MTMR4: variants seen among roughly 807,000 people sequenced by gnomAD.
MTMR4 encodes phosphatidylinositol-3,5-bisphosphate 3-phosphatase MTMR4.
A neutral mutation model predicts 125.5 loss-of-function variants in MTMR4; 30 were observed. The observed-to-expected ratio is 0.24, with a 90% CI of 0.18 to 0.32. The LOEUF (loss-of-function observed/expected upper bound fraction) is 0.32. MTMR4 is among the 10% of genes least tolerant of loss of function. The pLI, the probability that MTMR4 is intolerant of heterozygous loss-of-function variation, is 1.00. For synonymous variants in MTMR4, 498 were observed against 564.5 expected, an observed-to-expected ratio of 0.88 and a Z score of 1.67; for missense variants, 1,039 against 1,511.5, an observed-to-expected ratio of 0.69 and a Z score of 5.18.
rs180972693 is a variant in MTMR4, at chr17:58,491,658, G to A, written c.*5C>T. The A allele has an allele frequency of 1.6e-5, 25 of 1,611,188 alleles. No individual in the cohort carries two copies. Among genetic ancestry groups the A allele is most frequent in the African/African-American group, 1.3e-4 (10 of 74,932 alleles). On this transcript the variant is annotated 3_prime_UTR_variant, in exon 18 of 18. Coordinates refer to ENST00000682306, the MANE Select transcript of MTMR4 (RefSeq NM_001378067.1). The stretch of plus-strand genomic sequence containing the variant: ...GCTAAAATTGGACAGGTTTCTCCCC[G>A]GCATTCAACTGGAAGCTGTAGCAAT...
At chr17:58,515,676 C>G (rs938964419), upstream of MTMR4, among the ~76,000 whole-genome samples, 2 of 152,098 alleles carry the variant, frequency 1.3e-5, no homozygotes, top group African/African-American at 4.8e-5. Context: ...CAGGGTAGCC[C>G]AGAAGAGAAA....
In MTMR4 at chr17:58,496,333, G is replaced by A; in HGVS notation, c.1854-3C>T. The A allele has an allele frequency of 1.3e-6, 2 of 1,595,666 alleles. No individual in the cohort carries two copies. Among genetic ancestry groups the A allele is most frequent in the South Asian group, 1.1e-5 (1 of 88,472 alleles). On this transcript the variant is annotated splice_polypyrimidine_tract_variant and splice_region_variant and intron_variant, in intron 14 of 17. Transcript: ENST00000682306. The stretch of plus-strand genomic sequence containing the variant: ...CCATGGATCTGGTTTTAGGTAATCT[G>A]GAAAGACAAATATAACACCTCCAGG...
intron 14 of MTMR4, 113 bp from the exon 15 acceptor site, chr17:58,496,443 T>G: frequency 1.2e-6 from 1 of 806,900 alleles, no homozygotes; most frequent in South Asian, 1.9e-5. Context: ...TAATGACACT[T>G]AAGAACACTT....
intron 14 of MTMR4, among the ~76,000 whole-genome samples, chr17:58,500,565 A>G (rs532178933): frequency 1.3e-5 from 2 of 152,210 alleles, no homozygotes; most frequent in African/African-American, 2.4e-5. Flanking sequence ...CCTGGCCAAC[A>G]TGGTGAAACC....
intron 14 of MTMR4, among the ~76,000 whole-genome samples, chr17:58,501,619 TATGTATATACGTATAC>T (rs1268099438): frequency 1.3e-5 from 2 of 151,598 alleles, no homozygotes; most frequent in East Asian, 3.9e-4. Context: ...TGTATATGTC[TATGTATATACGTATAC>T]ATGTATATAT....
At chr17:58,506,997 C>A in intron 8 of MTMR4, 126 bp from the exon 9 acceptor site, 1 of 1,549,850 alleles carries the variant, frequency 6.5e-7, no homozygotes, top group Non-Finnish European at 8.8e-7. Flanking sequence ...CAGCTTCTGA[C>A]AAGGCAGGGA....
In MTMR4 at chr17:58,512,598, A is replaced by C; in HGVS notation, c.136-92T>G. 9.3e-7 allele frequency: 1 copy of C among 1,077,630 alleles called. No homozygotes were observed. Among genetic ancestry groups the C allele is most frequent in the South Asian group, 1.3e-5 (1 of 77,640 alleles). The allele number at this position is 1,077,630 out of a possible 1,614,324, so 66.8% of individuals were successfully genotyped here. ...TGATCTGTGGGATCCCCTCTGGAAAAGGTGGGCCAAGGCAAGAGAGGAGAG... is the reference window on the plus strand; with the variant it reads ...TGATCTGTGGGATCCCCTCTGGAAACGGTGGGCCAAGGCAAGAGAGGAGAG... On this transcript the variant is annotated intron_variant, in intron 2 of 17. Coordinates refer to ENST00000682306, the MANE Select transcript of MTMR4 (RefSeq NM_001378067.1). The surrounding 1 kb of genome is among the most constrained non-coding windows in gnomAD (Gnocchi z 4.1).
At chr17:58,492,753 G>T in intron 16 of MTMR4, 89 bp downstream of exon 16, 2 of 1,373,062 alleles carry the variant, frequency 1.5e-6, no homozygotes, top group Non-Finnish European at 2.1e-6. Flanking sequence ...CTGGGGGACA[G>T]CTCAGTCTAC....
rs1283470364 is a variant in MTMR4, at chr17:58,507,482, A to G, written c.708-163T>C. 5.9e-5 allele frequency among the ~76,000 whole-genome samples: 9 copies of G among 152,356 alleles called. No homozygotes were observed. The East Asian group carries it at 1.7e-3, about 29-fold the overall frequency. On this transcript the variant is annotated intron_variant, in intron 7 of 17. Coordinates refer to ENST00000682306, the MANE Select transcript of MTMR4 (RefSeq NM_001378067.1). The stretch of plus-strand genomic sequence containing the variant: ...ACGTCACTAGCAGGCTTCACCGTTT[A>G]CAAAGCACCATCACACATACTTTCT...
intron 3 of MTMR4, among the ~76,000 whole-genome samples, chr17:58,511,983 A>G (rs112420533): frequency 6.6e-6 from 1 of 151,784 alleles, no homozygotes; most frequent in African/African-American, 2.4e-5. Context: ...GGGATCCCCA[A>G]CTTTTTTTTT....
At chr17:58,518,322 A>G (rs768878147), upstream of MTMR4, among the ~76,000 whole-genome samples, 2 of 152,174 alleles carry the variant, frequency 1.3e-5, no homozygotes, top group African/African-American at 4.8e-5. Context: ...GGTACTTCTG[A>G]AACAGGTCCC....
At chr17:58,514,258 GC>G (rs1976022129) in intron 1 of MTMR4, 104 bp downstream of exon 1, 1 of 949,130 alleles carries the variant, frequency 1.1e-6, no homozygotes, top group Non-Finnish European at 1.3e-6. Flanking sequence ...AACGTTCGGG[GC>G]CGGGCCAGGG....
chr17:58,506,687 T>C lies in MTMR4; in HGVS notation c.1033+56A>G. 1.9e-6 allele frequency: 3 copies of C among 1,594,050 alleles called. No homozygotes were observed. In the South Asian group the frequency reaches 3.4e-5, roughly 18 times the overall value. On this transcript the variant is annotated intron_variant, in intron 9 of 17. Coordinates refer to ENST00000682306, the MANE Select transcript of MTMR4 (RefSeq NM_001378067.1). ...ATACAAATGGCCCCCAACCCCCTCC[T>C]CACCAAAGCCACCCAGAGCACAGGC...
chr17:58,503,958 T>C (rs757775499), intron 13 of MTMR4, 60 bp from the exon 14 acceptor site: 63 of 1,574,498 alleles, frequency 4.0e-5, no homozygotes, highest in Non-Finnish European at 4.8e-5. Context: ...TTTCTTTCCC[T>C]AAGCCCTTGA....
intron 7 of MTMR4, among the ~76,000 whole-genome samples, chr17:58,507,528 AAG>A (rs1156466079): frequency 6.6e-6 from 1 of 152,232 alleles, no homozygotes; most frequent in African/African-American, 2.4e-5. Flanking sequence ...CTGTATGTCC[AAG>A]GTGACCTTGA....
At chr17:58,502,046 G>A (rs1374366254) in intron 14 of MTMR4, among the ~76,000 whole-genome samples, 3 of 148,286 alleles carry the variant, frequency 2.0e-5, no homozygotes, top group African/African-American at 7.5e-5. Context: ...GCAACAGAGC[G>A]AAACTCTGTC....
chr17:58,517,281 G>A (rs2042030192), upstream of MTMR4, among the ~76,000 whole-genome samples: 1 of 152,232 alleles, frequency 6.6e-6, no homozygotes, highest in Non-Finnish European at 1.5e-5. Context: ...TGTCCAATGA[G>A]CCCAAGTAAC....
chr17:58,496,797 A>G (rs1975479814), intron 14 of MTMR4, among the ~76,000 whole-genome samples: 2 of 152,244 alleles, frequency 1.3e-5, no homozygotes, highest in African/African-American at 2.4e-5. Context: ...ATGACTACAA[A>G]TAAGTAAATT....
chr17:58,499,422 C>G (rs1019851865), intron 14 of MTMR4, among the ~76,000 whole-genome samples: 3 of 152,002 alleles, frequency 2.0e-5, no homozygotes, highest in African/African-American at 2.4e-5. Flanking sequence ...TGGCACACAC[C>G]TGTAATCCCA....
Sources: allele counts gnomAD v4.1 joint callset (sites outside exome capture counted in the v4.1 genomes callset), GRCh38; gene constraint gnomAD v4.1.1; non-coding constraint Gnocchi (gnomAD v3.1); transcripts MANE v1.5; gene names NCBI Gene and HGNC (gene_info 2026-07-23, HGNC 2026-07-21).